The following MFSD12 variants were observed in gnomAD, a reference collection of about 807,000 sequenced individuals.
The protein encoded by MFSD12 is major facilitator superfamily domain-containing protein 12.
MFSD12 carries 67 observed loss-of-function variants against 51.2 expected under a neutral mutation model. The ratio of observed to expected loss-of-function variants is 1.31; its 90% CI spans 1.08 to 1.60. The LOEUF (loss-of-function observed/expected upper bound fraction) is 1.60. MFSD12 is among the 40% of genes most tolerant of loss of function. The pLI, the probability that MFSD12 is intolerant of heterozygous loss-of-function variation, is 0.00. For missense variants in MFSD12, 921 were observed against 673.0 expected (o/e 1.37, Z -4.08); for synonymous variants, 441 against 316.7 (o/e 1.39, Z -4.17).
At position 3,544,832 on chromosome 19, in the gene MFSD12, A is replaced by C. The variant is rs1265783558; in HGVS notation, c.1397T>G (p.Leu466Arg). ...AAALCLCSLL[L>R]WPTRLRRWDR... The stretch of plus-strand genomic sequence containing the variant: ...ACAGCGTCGCAGGCGGGTCGGCCAC[A>C]GCAGGAGGCTACAGAGACACAGGGC... Residue 466 changes from leucine (L) to arginine (R), a missense_variant, in exon 9 of 10, where the codon CTG (leucine) becomes CGG (arginine). By Grantham distance (102) the Leu-to-Arg change is moderately radical. Coordinates refer to ENST00000355415, the MANE Select transcript of MFSD12 (RefSeq NM_174983.5). 2.5e-6 allele frequency: 4 copies of C among 1,612,502 alleles called. No individual in the cohort carries two copies. The highest frequency in any genetic ancestry group is 1.7e-5 in the Admixed American group (1 of 59,952).
At position 3,557,386 on chromosome 19, in the gene MFSD12, T is replaced by G. The variant is rs2031791166; in HGVS notation, c.18A>C (p.Pro6=). ...GCGGGGACGGCGCCGCTCCGGCCGCTGGGGGTCCCGGGCCCATCGCGGCGC... is the reference window on the plus strand; with the variant it reads ...GCGGGGACGGCGCCGCTCCGGCCGCGGGGGGTCCCGGGCCCATCGCGGCGC... MGPGP[P]AAGAAPSPRP... Residue 6 remains proline, a synonymous_variant, in exon 1 of 10, where the codon CCA becomes CCC. Transcript: ENST00000355415. 5.7e-6 allele frequency: 8 copies of G among 1,409,848 alleles called. No homozygotes were observed. Among genetic ancestry groups the G allele is most frequent in the East Asian group, 6.8e-5 (2 of 29,544 alleles). The allele number at this position is 1,409,848 out of a possible 1,614,324, so 87.3% of individuals were successfully genotyped here. A position where few individuals can be genotyped will look rare whatever the true frequency, so the allele number is the denominator to read the frequency against.
chr19:3,542,795 A>C (rs780356359), downstream of MFSD12: 4 of 1,370,180 alleles, frequency 2.9e-6, no homozygotes, highest in South Asian at 1.1e-5. Context: ...TGGGTCCCCC[A>C]GTCTTCCCTG....
downstream of MFSD12, chr19:3,540,116 GAC>G (rs2030249062): frequency 3.5e-5 from 4 of 112,728 alleles, no homozygotes; most frequent in Admixed American, 4.4e-4. Context: ...TTTTTTTTGA[GAC>G]AGTCTCATAC....
downstream of MFSD12, chr19:3,544,149 C>T: frequency 7.2e-7 from 1 of 1,395,696 alleles, no homozygotes; most frequent in Non-Finnish European, 9.4e-7. Flanking sequence ...GGCTGAGATG[C>T]CCAGGCTACC....
intron 1 of MFSD12, among the ~76,000 whole-genome samples, chr19:3,552,437 G>A (rs1220616964): frequency 6.8e-6 from 1 of 147,750 alleles, no homozygotes; most frequent in East Asian, 2.0e-4. Flanking sequence ...CAAAGTGCTG[G>A]GATTACAGGC....
At chr19:3,538,835 G>C (rs2030114430) in intron 4 of MFSD12, 1 of 562,402 alleles carries the variant, frequency 1.8e-6, no homozygotes, top group Non-Finnish European at 3.5e-6. Flanking sequence ...TGCGACCCCG[G>C]CCAGGCACTG....
chr19:3,540,272 T>G (rs1001938310), downstream of MFSD12, among the ~76,000 whole-genome samples: 2 of 151,568 alleles, frequency 1.3e-5, no homozygotes, highest in South Asian at 2.1e-4. Context: ...TTTGTTTTTT[T>G]TTTTGGACGG....
chr19:3,553,497 G>A (rs563909736), intron 1 of MFSD12, among the ~76,000 whole-genome samples: 63 of 150,654 alleles, frequency 4.2e-4, no homozygotes, highest in Non-Finnish European at 8.3e-4. Context: ...GGCCGGGCGC[G>A]GTGGCTCACG....
At position 3,551,249 on chromosome 19, in the gene MFSD12, C is replaced by G; in HGVS notation, c.299-55G>C. ...GCTGTCCCGCACCAGCCAGGGCTCC[C>G]AGGGTGAGGACATGGAGGGAGGAGA... On this transcript the variant is annotated intron_variant, in intron 1 of 9. Coordinates refer to ENST00000355415, the MANE Select transcript of MFSD12 (RefSeq NM_174983.5). This position sits in a 1 kb window ranked among gnomAD's most constrained non-coding sequence, Gnocchi z 4.6. 4 of 1,411,996 alleles carry G rather than the reference C, an allele frequency of 2.8e-6. No homozygotes were observed. The highest frequency in any genetic ancestry group is 3.8e-6 in the Non-Finnish European group (4 of 1,040,332). 87.5% of individuals were successfully genotyped at this position (1,411,996 alleles called of 1,614,324 possible). A position where few individuals can be genotyped will look rare whatever the true frequency, so the allele number is the denominator to read the frequency against.
At chr19:3,552,298 G>C (rs1177720794) in intron 1 of MFSD12, among the ~76,000 whole-genome samples, 1 of 151,314 alleles carries the variant, frequency 6.6e-6, no homozygotes, top group African/African-American at 2.4e-5. Flanking sequence ...CTCCCGAGTA[G>C]CTGGGACTAC....
chr19:3,544,469 A>G lies in MFSD12; in HGVS notation c.*241T>C. The stretch of plus-strand genomic sequence containing the variant: ...CCGAGAGGGGCACCCCAAATCCTCC[A>G]GAGGGCTGGGATGGATTAGAGTTGA... On this transcript the variant is annotated 3_prime_UTR_variant, in exon 10 of 10. Coordinates refer to ENST00000355415, the MANE Select transcript of MFSD12 (RefSeq NM_174983.5). The G allele has an allele frequency of 7.4e-7, 1 of 1,357,130 alleles. No homozygotes were observed. The highest frequency in any genetic ancestry group is 9.5e-7 in the Non-Finnish European group (1 of 1,057,364). The allele number at this position is 1,357,130 out of a possible 1,614,324, so 84.1% of individuals were successfully genotyped here. A position where few individuals can be genotyped will look rare whatever the true frequency, so the allele number is the denominator to read the frequency against.
In MFSD12 at chr19:3,557,481, G is replaced by A. The variant is rs1412672001; in HGVS notation, c.-78C>T. On this transcript the variant is annotated 5_prime_UTR_variant, in exon 1 of 10. Transcript: ENST00000355415. ...GCCAGGCCTTCTTGGGTGCCGTGGG[G>A]GCAGGCGCCGGGGACCCCCACCACG... 1 of 940,376 alleles carries A rather than the reference G, an allele frequency of 1.1e-6. No individual in the cohort carries two copies. Among genetic ancestry groups the A allele is most frequent in the Non-Finnish European group, 1.3e-6 (1 of 745,780 alleles). The allele number at this position is 940,376 out of a possible 1,614,324, so 58.3% of individuals were successfully genotyped here. A position where few individuals can be genotyped will look rare whatever the true frequency, so the allele number is the denominator to read the frequency against.
chr19:3,557,010 C>A, intron 1 of MFSD12, 96 bp downstream of exon 1: 1 of 960,984 alleles, frequency 1.0e-6, no homozygotes. Context: ...GATCCTGAGG[C>A]AGGCAGACGG....
intron 1 of MFSD12, among the ~76,000 whole-genome samples, chr19:3,552,705 G>A (rs575943010): frequency 1.8e-4 from 27 of 151,586 alleles, no homozygotes; most frequent in African/African-American, 5.8e-4. Flanking sequence ...GGCTGAAGTC[G>A]AACTCCTAGC....
Position 3,547,905 on chromosome 19 carries a change from G to A in MFSD12, c.780C>T (p.Ala260=). ...PGEHTPLLAP[A]TAQPLLLWKH... ...TCCAGAGCAGCAGGGGCTGGGCCGT[G>A]GCAGGGGCCAACAGGGGGGTGTGCT... Residue 260 remains alanine (A), a synonymous_variant, in exon 4 of 10, where the codon GCC becomes GCT. Transcript: ENST00000355415. 1.3e-6 allele frequency: 2 copies of A among 1,570,528 alleles called. No individual in the cohort carries two copies. Among genetic ancestry groups the A allele is most frequent in the South Asian group, 1.2e-5 (1 of 85,724 alleles).
chr19:3,543,308 C>T (rs1162334453), downstream of MFSD12: 20 of 1,549,118 alleles, frequency 1.3e-5, no homozygotes, highest in Non-Finnish European at 1.6e-5. Context: ...GAAGTACACG[C>T]CCATGGGACG....
rs1240727089 is a variant in MFSD12, at chr19:3,552,000, G to A, written c.299-806C>T. 6.6e-6 allele frequency among the ~76,000 whole-genome samples: 1 copy of A among 152,036 alleles called. No homozygotes were observed. The highest frequency in any genetic ancestry group is 1.5e-5 in the Non-Finnish European group (1 of 68,032). On this transcript the variant is annotated intron_variant, in intron 1 of 9. Coordinates refer to ENST00000355415, the MANE Select transcript of MFSD12 (RefSeq NM_174983.5). The surrounding 1 kb of genome is among the most constrained non-coding windows in gnomAD (Gnocchi z 4.6). ...TCCTTTTCACCTCTGGGCTCAACGG[G>A]AATGTCACCTCCTCGAACACCTCTC... is the stretch of plus-strand genomic sequence containing the variant.
Position 3,547,862 on chromosome 19 carries a change from G to C in MFSD12, c.823C>G (p.Pro275Ala). ...CCAGCACGCACCTGGTAGAAAGCCGGCTCCCGGAGCCAGTGCTTCCAGAGC... is the reference window on the plus strand; with the variant it reads ...CCAGCACGCACCTGGTAGAAAGCCGCCTCCCGGAGCCAGTGCTTCCAGAGC... ...LLLWKHWLRE[P>A]AFYQVGILYM... is the part of the protein sequence containing the mutation. Residue 275 changes from proline (P) to alanine (A), a missense_variant, in exon 4 of 10, where the codon CCG becomes GCG. Coordinates refer to ENST00000355415, the MANE Select transcript of MFSD12 (RefSeq NM_174983.5). 6.6e-7 allele frequency: 1 copy of C among 1,514,780 alleles called. No homozygotes were observed. The highest frequency in any genetic ancestry group is 8.8e-7 in the Non-Finnish European group (1 of 1,136,614). The allele number at this position is 1,514,780 out of a possible 1,614,324, so 93.8% of individuals were successfully genotyped here.
intron 4 of MFSD12, chr19:3,538,921 G>GTGGGGGGTGCATAGAGC (rs1210005097): frequency 1.5e-6 from 1 of 661,950 alleles, no homozygotes; most frequent in South Asian, 1.6e-5. Context: ...CAGACCCCAG[G>GTGGGGGGTGCATAGAGC]TGGGGGGTGC....
Sources: allele counts gnomAD v4.1 joint callset (sites outside exome capture counted in the v4.1 genomes callset), GRCh38; gene constraint gnomAD v4.1.1; non-coding constraint Gnocchi (gnomAD v3.1); transcripts MANE v1.5; gene names NCBI Gene and HGNC (gene_info 2026-07-23, HGNC 2026-07-21).